Variants in SOX5 observed in about 807,000 individuals in gnomAD.
The protein encoded by SOX5 is SRY-box transcription factor 5.
A neutral mutation model predicts 92.0 loss-of-function variants in SOX5; 9 were observed. The ratio of observed to expected loss-of-function variants is 0.10; its 90% CI spans 0.06 to 0.17. The LOEUF (loss-of-function observed/expected upper bound fraction) is 0.17. Among genes scored for constraint, SOX5 ranks in the 10% least tolerant of loss-of-function variants. The pLI, the probability that SOX5 is intolerant of heterozygous loss-of-function variation, is 1.00. For synonymous variants in SOX5, 344 were observed against 336.3 expected, an observed-to-expected ratio of 1.02 and a Z score of -0.25; for missense variants, 642 against 944.5, an observed-to-expected ratio of 0.68 and a Z score of 4.20.
At chr12:24,332,739 T>C (rs935216982) in intron 2 of SOX5, among the ~76,000 whole-genome samples, 2 of 149,650 alleles carry the variant, frequency 1.3e-5, no homozygotes, top group Non-Finnish European at 3.0e-5. Context: ...ATAGAGTATA[T>C]GAACGTAGTG....
intron 1 of SOX5, among the ~76,000 whole-genome samples, chr12:24,462,539 A>C (rs1481881474): frequency 6.6e-6 from 1 of 152,232 alleles, no homozygotes; most frequent in Non-Finnish European, 1.5e-5. Context: ...TTCTGATAAT[A>C]TAGTAAGCCT....
At chr12:24,231,520 T>A (rs1459328855) in intron 3 of SOX5, among the ~76,000 whole-genome samples, 1 of 152,230 alleles carries the variant, frequency 6.6e-6, no homozygotes, top group Non-Finnish European at 1.5e-5. Flanking sequence ...TGGCTGCTTG[T>A]ACATTCTAAC....
intron 1 of SOX5, among the ~76,000 whole-genome samples, chr12:23,946,201 A>G (rs1273296721): frequency 6.6e-6 from 1 of 152,112 alleles, no homozygotes; most frequent in East Asian, 1.9e-4. Flanking sequence ...TGTCTGCACC[A>G]ATTTGGGAGA....
chr12:23,837,267 T>TACA lies in SOX5; in HGVS notation c.481+8715_481+8716insTGT, dbSNP rs2096436356. ...AATATATATTTATATTTATATAATATATAATATGTATTTATATTTATATTT... is the reference window on the plus strand; with the variant it reads ...AATATATATTTATATTTATATAATATACAATAATATGTATTTATATTTATATTT... On this transcript the variant is annotated intron_variant, in intron 3 of 14. Coordinates refer to ENST00000451604, the MANE Select transcript of SOX5 (RefSeq NM_006940.6). Among the ~76,000 whole-genome samples, 5 of 69,524 alleles carry TACA rather than the reference T, an allele frequency of 7.2e-5. No individual in the cohort carries two copies. In the South Asian group the frequency reaches 2.2e-3, roughly 31 times the overall value. The allele number at this position is 69,524 out of a possible 152,430, so 45.6% of individuals were successfully genotyped here. A position where few individuals can be genotyped will look rare whatever the true frequency, so the allele number is the denominator to read the frequency against.
intron 7 of SOX5, among the ~76,000 whole-genome samples, chr12:23,658,022 T>C (rs377263705): frequency 8.5e-4 from 130 of 152,312 alleles, no homozygotes; most frequent in African/African-American, 3.0e-3. Context: ...GTACGTATTT[T>C]GGTGGTGGCA....
intron 4 of SOX5, among the ~76,000 whole-genome samples, chr12:24,029,482 C>A (rs1183201880): frequency 6.6e-6 from 1 of 151,618 alleles, no homozygotes; most frequent in Non-Finnish European, 1.5e-5. Context: ...CCTATGTTAC[C>A]CAGGATGGTT....
chr12:24,068,264 G>C (rs1941120182), intron 4 of SOX5, among the ~76,000 whole-genome samples: 1 of 152,178 alleles, frequency 6.6e-6, no homozygotes, highest in Admixed American at 6.5e-5. Context: ...AAAAGAATTA[G>C]AGATTCGAGG....
intron 4 of SOX5, among the ~76,000 whole-genome samples, chr12:23,747,073 C>T (rs144151752): frequency 0.022 from 3,314 of 151,992 alleles, 51 homozygotes; most frequent in Non-Finnish European, 0.034. Context: ...TGCCCAGTCT[C>T]GGGTATGTCT....
rs565225070 is a variant in SOX5 at position 23,543,076 on chromosome 12, A to T, written c.1771+135T>A. The T allele has an allele frequency of 5.0e-6, 3 of 603,454 alleles. No homozygotes were observed. In the African/African-American group the frequency reaches 5.5e-5, roughly 11 times the overall value. 37.4% of individuals were successfully genotyped at this position (603,454 alleles called of 1,614,324 possible). A position where few individuals can be genotyped will look rare whatever the true frequency, so the allele number is the denominator to read the frequency against. ...TGCTTCATCACCAGAAGAAGCCTCA[A>T]TGATGATGTTTATTTTCTGGATAAG... On this transcript the variant is annotated intron_variant, in intron 13 of 14. Transcript: ENST00000451604.
chr12:23,644,247 G>A (rs2080527603), intron 7 of SOX5, among the ~76,000 whole-genome samples: 1 of 152,128 alleles, frequency 6.6e-6, no homozygotes. Context: ...GCAAAGAAAT[G>A]AGGCATGCCA....
intron 3 of SOX5, among the ~76,000 whole-genome samples, chr12:23,789,527 C>T (rs1004915664): frequency 2.0e-5 from 3 of 151,968 alleles, no homozygotes; most frequent in Admixed American, 1.3e-4. Context: ...TGAAGTATCA[C>T]GTGTTTAGGG....
At chr12:24,140,841 T>C (rs955014777) in intron 4 of SOX5, among the ~76,000 whole-genome samples, 15 of 152,066 alleles carry the variant, frequency 9.9e-5, no homozygotes, top group Non-Finnish European at 1.9e-4. Flanking sequence ...ACAACTGAAA[T>C]TGCTCAATAA....
At chr12:23,627,948 A>T (rs888378884) in intron 8 of SOX5, among the ~76,000 whole-genome samples, 5 of 151,956 alleles carry the variant, frequency 3.3e-5, no homozygotes, top group Middle Eastern at 3.4e-3. Flanking sequence ...CAAAAACTTG[A>T]TATTTTATGG....
At chr12:23,578,596 T>C (rs894939390) in intron 9 of SOX5, among the ~76,000 whole-genome samples, 1 of 152,124 alleles carries the variant, frequency 6.6e-6, no homozygotes, top group Non-Finnish European at 1.5e-5. Flanking sequence ...TTGGGACATA[T>C]CACATGCTAA....
At chr12:23,905,272 T>A (rs2097279988) in intron 1 of SOX5, among the ~76,000 whole-genome samples, 1 of 152,214 alleles carries the variant, frequency 6.6e-6, no homozygotes, top group African/African-American at 2.4e-5. Flanking sequence ...AATTCCATCC[T>A]ACAATGATTC....
chr12:23,971,639 G>C (rs1264454269), intron 4 of SOX5, among the ~76,000 whole-genome samples: 1 of 151,470 alleles, frequency 6.6e-6, no homozygotes, highest in Non-Finnish European at 1.5e-5. Flanking sequence ...AATGAAATAT[G>C]TATATATCAT....
intron 4 of SOX5, among the ~76,000 whole-genome samples, chr12:24,092,294 G>A (rs1357307846): frequency 1.4e-5 from 2 of 145,130 alleles, no homozygotes; most frequent in African/African-American, 4.9e-5. Flanking sequence ...TCAGGCTTAG[G>A]GTACAATGCT....
chr12:23,532,794 C>A lies in SOX5; in HGVS notation c.*1425G>T, dbSNP rs1327933704. On this transcript the variant is annotated 3_prime_UTR_variant, in exon 15 of 15. Transcript: ENST00000451604. ...AGGGGTGAAAAATACCTTATAAAAT[C>A]ATCAGTTTCATTTCCTGATCGGGAA... 6.2e-6 allele frequency: 1 copy of A among 160,280 alleles called. No homozygotes were observed. The highest frequency in any genetic ancestry group is 6.3e-5 in the Admixed American group (1 of 15,882). 9.9% of individuals were successfully genotyped at this position (160,280 alleles called of 1,614,324 possible). A position where few individuals can be genotyped will look rare whatever the true frequency, so the allele number is the denominator to read the frequency against.
At chr12:24,380,853 T>G (rs766526624) in intron 1 of SOX5, among the ~76,000 whole-genome samples, 2 of 152,084 alleles carry the variant, frequency 1.3e-5, no homozygotes, top group Non-Finnish European at 2.9e-5. Flanking sequence ...AAAAGGAAAA[T>G]CAAATCAGAG....
Sources: allele counts gnomAD v4.1 joint callset (sites outside exome capture counted in the v4.1 genomes callset), GRCh38; gene constraint gnomAD v4.1.1; transcripts MANE v1.5; gene names NCBI Gene and HGNC (gene_info 2026-07-23, HGNC 2026-07-21).